CLEC16A: variants seen among roughly 807,000 people sequenced by gnomAD.
CLEC16A encodes the protein protein CLEC16A.
Under a neutral mutation model 109.5 loss-of-function variants are expected in CLEC16A, and 51 were observed. The ratio of observed to expected loss-of-function variants is 0.47; its 90% CI spans 0.37 to 0.59. CLEC16A has a LOEUF of 0.59. Among genes scored for constraint, CLEC16A ranks in the 20% least tolerant of loss-of-function variants. The pLI is 0.00. For synonymous variants in CLEC16A, 673 were observed against 564.2 expected (o/e 1.19, Z -2.73); for missense variants, 1,339 against 1,394.0 (o/e 0.96, Z 0.63).
At chr16:10,985,216 A>T (rs1414639004) in intron 10 of CLEC16A, among the ~76,000 whole-genome samples, 113 of 117,072 alleles carry the variant, frequency 9.7e-4, no homozygotes, top group Admixed American at 5.6e-3. Context: ...AAAAAAAAAA[A>T]AAAAATATAT....
chr16:11,010,477 A>T (rs1482677608), intron 11 of CLEC16A, among the ~76,000 whole-genome samples: 1 of 152,198 alleles, frequency 6.6e-6, no homozygotes, highest in African/African-American at 2.4e-5. Context: ...AGTATAAAGA[A>T]CACCTGTTTA....
At chr16:11,071,264 G>T (rs1308991324) in intron 19 of CLEC16A, among the ~76,000 whole-genome samples, 1 of 152,178 alleles carries the variant, frequency 6.6e-6, no homozygotes, top group Admixed American at 6.5e-5. Flanking sequence ...TTTTGCTGAT[G>T]ACCCAGGCAT....
rs2041907058 is a variant in CLEC16A at position 10,954,736 on chromosome 16, T to C, written c.81-3046T>C. On this transcript the variant is annotated intron_variant, in intron 1 of 23. Transcript: ENST00000409790. This position sits in a 1 kb window ranked among gnomAD's most constrained non-coding sequence, Gnocchi z 4.2. ...GTAATTAACCATATACTCTAGTGCC[T>C]CTCAGGAAATACCAGACTTTCTCTA... Among the ~76,000 whole-genome samples the C allele has an allele frequency of 6.6e-6, 1 of 152,190 alleles. No individual in the cohort carries two copies.
intron 13 of CLEC16A, chr16:11,027,885 C>T (rs917965510): frequency 3.2e-6 from 2 of 626,370 alleles, no homozygotes; most frequent in Non-Finnish European, 5.7e-6. Flanking sequence ...TCTTCAAAAA[C>T]TGGAAAGGAA....
At position 11,147,603 on chromosome 16, in the gene CLEC16A, G is replaced by A. The variant is rs1457366177; in HGVS notation, c.2642-18785G>A. 2.6e-5 allele frequency among the ~76,000 whole-genome samples: 4 copies of A among 152,214 alleles called. No individual in the cohort carries two copies. In the East Asian group the frequency reaches 7.7e-4, roughly 29 times the overall value. On this transcript the variant is annotated intron_variant, in intron 22 of 23. Coordinates refer to ENST00000409790, the MANE Select transcript of CLEC16A (RefSeq NM_015226.3). Reference sequence around the variant, plus strand: ...GATGAAAATGTTCTAAATTGATTGTGGAGGTGGTTGCACAACTCTATGAAT... The same window carrying A: ...GATGAAAATGTTCTAAATTGATTGTAGAGGTGGTTGCACAACTCTATGAAT...
At chr16:10,951,780 A>G (rs1596711589) in intron 1 of CLEC16A, among the ~76,000 whole-genome samples, 2 of 152,224 alleles carry the variant, frequency 1.3e-5, no homozygotes, top group Non-Finnish European at 2.9e-5. Flanking sequence ...TAGCAAGGTA[A>G]TTATTCTGTC....
chr16:11,136,727 T>G (rs1167436043), intron 22 of CLEC16A, among the ~76,000 whole-genome samples: 1 of 152,218 alleles, frequency 6.6e-6, no homozygotes, highest in Non-Finnish European at 1.5e-5. Flanking sequence ...GTAATCTGCC[T>G]GAGGCCCCAC....
intron 19 of CLEC16A, among the ~76,000 whole-genome samples, chr16:11,107,093 G>A (rs898259958): frequency 1.1e-4 from 16 of 152,360 alleles, no homozygotes; most frequent in African/African-American, 3.8e-4. Context: ...CATCAGTGTG[G>A]CACCTGTAGT....
intron 10 of CLEC16A, among the ~76,000 whole-genome samples, chr16:10,993,767 T>C (rs1469326615): frequency 1.3e-5 from 2 of 152,204 alleles, no homozygotes; most frequent in Non-Finnish European, 2.9e-5. Flanking sequence ...AGATGCCTCA[T>C]TTTGTGTGAT....
At chr16:11,080,277 G>A (rs1257643840) in intron 19 of CLEC16A, among the ~76,000 whole-genome samples, 1 of 152,254 alleles carries the variant, frequency 6.6e-6, no homozygotes, top group Admixed American at 6.5e-5. Flanking sequence ...GGTGGGTGCA[G>A]GTGCTCTGCT....
At chr16:11,037,962 A>G (rs994786949) in intron 13 of CLEC16A, among the ~76,000 whole-genome samples, 1 of 152,168 alleles carries the variant, frequency 6.6e-6, no homozygotes, top group Non-Finnish European at 1.5e-5. Context: ...CACATTTAGC[A>G]TTAACATGGG....
chr16:11,125,902 T>TGGGGGGGGGGGGGGGGGGGGGGGGGGGCG lies in CLEC16A; in HGVS notation c.2474-76_2474-75insGGGGGGGGGGGGGGGGGGGGGGGGGGCGG. 2 of 349,750 alleles carry TGGGGGGGGGGGGGGGGGGGGGGGGGGGCG rather than the reference T, an allele frequency of 5.7e-6. 1 individual carries two copies. The highest frequency in any genetic ancestry group is 1.1e-5 in the Non-Finnish European group (2 of 178,676). The allele number at this position is 349,750 out of a possible 1,614,324, so 21.7% of individuals were successfully genotyped here. A position where few individuals can be genotyped will look rare whatever the true frequency, so the allele number is the denominator to read the frequency against. On this transcript the variant is annotated intron_variant, in intron 21 of 23. Coordinates refer to ENST00000409790, the MANE Select transcript of CLEC16A (RefSeq NM_015226.3). ...CCTGGCAGGGCCACAGCCACTACGA[T>TGGGGGGGGGGGGGGGGGGGGGGGGGGGCG]GTCCCCCCCCCCAAATTCTCACCAC...
At position 11,027,432 on chromosome 16, in the gene CLEC16A, T is replaced by C; in HGVS notation, c.1537+2511T>C. On this transcript the variant is annotated intron_variant, in intron 13 of 23. Transcript: ENST00000409790. ...ACAAATGCTGCGTATAGTGGAAACT[T>C]ATGTGACCTGGGGATTTCCAAATCT... The C allele has an allele frequency of 2.0e-6, 3 of 1,522,280 alleles. No homozygotes were observed. The South Asian group carries it at 3.4e-5, about 17-fold the overall frequency. The allele number at this position is 1,522,280 out of a possible 1,614,324, so 94.3% of individuals were successfully genotyped here. A position where few individuals can be genotyped will look rare whatever the true frequency, so the allele number is the denominator to read the frequency against.
At position 10,961,571 on chromosome 16, in the gene CLEC16A, C is replaced by T. The variant is rs765727830; in HGVS notation, c.210-884C>T. 3.9e-5 allele frequency among the ~76,000 whole-genome samples: 6 copies of T among 152,178 alleles called. No individual in the cohort carries two copies. The highest frequency in any genetic ancestry group is 3.9e-4 in the East Asian group (2 of 5,192). ...TCCTTTTCAAGACTGAAAGAGCCAA[C>T]GTGTACCCCCAGAAGCCAGTGCCGC... On this transcript the variant is annotated intron_variant, in intron 2 of 23. Transcript: ENST00000409790. This position sits in a 1 kb window ranked among gnomAD's most constrained non-coding sequence, Gnocchi z 4.3.
chr16:11,009,931 A>T (rs1350806857), intron 11 of CLEC16A, among the ~76,000 whole-genome samples: 1 of 152,136 alleles, frequency 6.6e-6, no homozygotes, highest in Non-Finnish European at 1.5e-5. Context: ...ACACAAGAGG[A>T]TCACCTGAGC....
At position 11,178,848 on chromosome 16, in the gene CLEC16A, C is replaced by T. The variant is rs551252452; in HGVS notation, c.*158C>T. 3.5e-6 allele frequency: 2 copies of T among 573,320 alleles called. No homozygotes were observed. Among genetic ancestry groups the T allele is most frequent in the East Asian group, 6.0e-5 (2 of 33,348 alleles). The allele number at this position is 573,320 out of a possible 1,614,324, so 35.5% of individuals were successfully genotyped here. ...GCGCTCCCTTGAATGGGAAGAAGCC[C>T]CACGTTGTCCTTGAATTCCTTTTTC... On this transcript the variant is annotated 3_prime_UTR_variant, in exon 24 of 24. Coordinates refer to ENST00000409790, the MANE Select transcript of CLEC16A (RefSeq NM_015226.3). The surrounding 1 kb of genome is among the most constrained non-coding windows in gnomAD (Gnocchi z 6.5).
intron 18 of CLEC16A, among the ~76,000 whole-genome samples, chr16:11,057,908 G>A (rs1022475007): frequency 2.1e-4 from 32 of 152,172 alleles, no homozygotes; most frequent in African/African-American, 7.2e-4. Context: ...GAACCATGCA[G>A]AGTCATTAAA....
chr16:11,056,693 C>T (rs975072214), intron 18 of CLEC16A: 1 of 152,074 alleles, frequency 6.6e-6, no homozygotes. Flanking sequence ...TTTATTTTTT[C>T]GATGTGTATT....
chr16:11,024,758 A>G, intron 12 of CLEC16A, 63 bp from the exon 13 acceptor site: 3 of 1,280,810 alleles, frequency 2.3e-6, no homozygotes, highest in Non-Finnish European at 3.3e-6. Context: ...TGTGCAGGTT[A>G]GAGAGGGGAG....
Sources: gnomAD v4.1 joint callset for allele counts (sites outside exome capture counted in the v4.1 genomes callset) on GRCh38, gnomAD v4.1.1 for gene constraint, Gnocchi (gnomAD v3.1) non-coding constraint, MANE v1.5 for transcripts, NCBI Gene and HGNC (gene_info 2026-07-23, HGNC 2026-07-21) for gene names.